Variants in RTN3 observed in about 807,000 individuals in gnomAD.
The protein encoded by RTN3 is reticulon-3.
Under a neutral mutation model 77.8 loss-of-function variants are expected in RTN3, and 49 were observed. That is an observed-to-expected ratio of 0.63 (90% CI 0.50 to 0.80). RTN3 has a LOEUF of 0.80. Among genes scored for constraint, RTN3 ranks in the 30% least tolerant of loss-of-function variants. The pLI is 0.00. For synonymous variants in RTN3, 464 were observed against 446.9 expected (o/e 1.04, Z -0.48); for missense variants, 1,236 against 1,211.9 (o/e 1.02, Z -0.29).
Position 63,728,615 on chromosome 11 carries a change from C to T in RTN3, c.2530+7583C>T, listed in dbSNP as rs560026098. ...GAAAGTAGCTAGAGAAGAGGCTGGG[C>T]GCGGTGGCTCACGCCTGTAATCCCC... On this transcript the variant is annotated intron_variant, in intron 3 of 8. Coordinates refer to ENST00000377819, the MANE Select transcript of RTN3 (RefSeq NM_001265589.2). 2.6e-5 allele frequency among the ~76,000 whole-genome samples: 4 copies of T among 152,142 alleles called. No individual in the cohort carries two copies. In the East Asian group the frequency reaches 5.8e-4, roughly 22 times the overall value.
Position 63,758,380 on chromosome 11 carries a change from T to C in RTN3, c.*179T>C. 6.4e-7 allele frequency: 1 copy of C among 1,561,542 alleles called. No homozygotes were observed. Among genetic ancestry groups the C allele is most frequent in the South Asian group, 1.2e-5 (1 of 84,914 alleles). ...TAACCCTCAGTATCAAGCACAAAAA[T>C]TGATGGACTGATAAAAGAACTATCT... On this transcript the variant is annotated 3_prime_UTR_variant, in exon 9 of 9. Transcript: ENST00000377819.
At chr11:63,717,252 A>G (rs2011466986) in intron 2 of RTN3, among the ~76,000 whole-genome samples, 1 of 152,002 alleles carries the variant, frequency 6.6e-6, no homozygotes, top group Admixed American at 6.6e-5. Context: ...AATTTGTTAG[A>G]GTGGGAAGTT....
Position 63,683,958 on chromosome 11 carries a change from T to C in RTN3, c.142+2180T>C, listed in dbSNP as rs1359427669. The stretch of plus-strand genomic sequence containing the variant: ...TCTTTTCTTTCTTTTTTTTTTTTTT[T>C]TTTTTTTTTTTTTTAGACAAGGTCT... On this transcript the variant is annotated intron_variant, in intron 1 of 8. Transcript: ENST00000377819. 3.1e-5 allele frequency among the ~76,000 whole-genome samples: 4 copies of C among 129,654 alleles called. No homozygotes were observed. In the South Asian group the frequency reaches 8.3e-4, roughly 27 times the overall value. The allele number at this position is 129,654 out of a possible 152,430, so 85.1% of individuals were successfully genotyped here. A position where few individuals can be genotyped will look rare whatever the true frequency, so the allele number is the denominator to read the frequency against.
chr11:63,727,695 A>G (rs1469431300), intron 3 of RTN3, among the ~76,000 whole-genome samples: 2 of 152,190 alleles, frequency 1.3e-5, no homozygotes, highest in Admixed American at 6.5e-5. Flanking sequence ...GGCCAGGCAC[A>G]GTGGCTCACG....
In RTN3 at chr11:63,684,307, C is replaced by T. The variant is rs190659285; in HGVS notation, c.142+2529C>T. On this transcript the variant is annotated intron_variant, in intron 1 of 8. Coordinates refer to ENST00000377819, the MANE Select transcript of RTN3 (RefSeq NM_001265589.2). ...GGACTACAGGTGCCCACCACCATGC[C>T]CGGCTAATTTTTTGTATTTTTAGTA... 7.5e-4 allele frequency among the ~76,000 whole-genome samples: 114 copies of T among 151,956 alleles called. No homozygotes were observed. The South Asian group carries it at 0.01, about 14-fold the overall frequency.
intron 3 of RTN3, among the ~76,000 whole-genome samples, chr11:63,736,973 CTT>C (rs542211160): frequency 1.3e-4 from 18 of 140,650 alleles, no homozygotes; most frequent in Non-Finnish European, 1.4e-4. Flanking sequence ...TCATAGAATC[CTT>C]TTTTTTTTTT....
Position 63,719,189 on chromosome 11 carries a change from T to A in RTN3, c.687T>A (p.Ser229=). 6.2e-7 allele frequency: 1 copy of A among 1,614,182 alleles called. No individual in the cohort carries two copies. Among genetic ancestry groups the A allele is most frequent in the Non-Finnish European group, 8.5e-7 (1 of 1,180,020 alleles). ...AAGGCATTTATACATATTCTTTGTC[T>A]CCATCCAAAGTTTCAGGAGATGATG... ...KVEGIYTYSL[S]PSKVSGDDVI... is the part of the protein sequence containing the mutation. The change falls in exon 3 of 9, where the codon TCT becomes TCA. Residue 229 remains serine, a synonymous_variant. Transcript: ENST00000377819.
intron 1 of RTN3, among the ~76,000 whole-genome samples, chr11:63,704,512 C>G (rs1380217737): frequency 1.3e-5 from 2 of 151,868 alleles, no homozygotes; most frequent in Non-Finnish European, 2.9e-5. Context: ...ACTTATTTTC[C>G]CCTTCCCACA....
At chr11:63,685,045 C>A (rs918238203) in intron 1 of RTN3, among the ~76,000 whole-genome samples, 1 of 152,168 alleles carries the variant, frequency 6.6e-6, no homozygotes, top group African/African-American at 2.4e-5. Context: ...CAGGCATGAG[C>A]CACTGAGCCC....
intron 3 of RTN3, among the ~76,000 whole-genome samples, chr11:63,734,649 T>G (rs1415834063): frequency 1.3e-5 from 2 of 151,676 alleles, no homozygotes; most frequent in Non-Finnish European, 2.9e-5. Context: ...GGAGAATTGC[T>G]TAAACCCAGG....
chr11:63,713,193 T>G (rs1285972616), intron 2 of RTN3, among the ~76,000 whole-genome samples: 1 of 152,198 alleles, frequency 6.6e-6, no homozygotes, highest in African/African-American at 2.4e-5. Context: ...AGATAATATA[T>G]CTCAGTGGAG....
At chr11:63,750,309 G>A in intron 4 of RTN3, 111 bp downstream of exon 4, 1 of 869,086 alleles carries the variant, frequency 1.2e-6, no homozygotes, top group Non-Finnish European at 1.8e-6. Flanking sequence ...GGGGCCTAAT[G>A]CAGCTGATTG....
chr11:63,702,295 TGG>T (rs1942274882), intron 1 of RTN3, among the ~76,000 whole-genome samples: 1 of 151,846 alleles, frequency 6.6e-6, no homozygotes, highest in Non-Finnish European at 1.5e-5. Flanking sequence ...TTTTTGGTTT[TGG>T]TTTTTTTTGT....
chr11:63,748,948 G>T (rs551715802), intron 3 of RTN3, among the ~76,000 whole-genome samples: 5 of 151,934 alleles, frequency 3.3e-5, no homozygotes, highest in Non-Finnish European at 7.4e-5. Flanking sequence ...GATTACAGGC[G>T]TGAGCCACCA....
At chr11:63,721,612 C>G (rs539137489) in intron 3 of RTN3, among the ~76,000 whole-genome samples, 2 of 150,958 alleles carry the variant, frequency 1.3e-5, no homozygotes, top group African/African-American at 4.9e-5. Context: ...TTTCTATGCT[C>G]CAGTTATATT....
chr11:63,756,004 T>C (rs996937238), intron 7 of RTN3, 108 bp from the exon 8 acceptor site: 4 of 737,628 alleles, frequency 5.4e-6, no homozygotes, highest in Non-Finnish European at 9.5e-6. Context: ...TTTTCTACAC[T>C]GGTCAGTCGT....
intron 2 of RTN3, among the ~76,000 whole-genome samples, chr11:63,712,562 C>T (rs914510518): frequency 1.5e-4 from 23 of 150,278 alleles, no homozygotes; most frequent in African/African-American, 4.7e-4. Flanking sequence ...CTTGGCTCAC[C>T]GCAATTTCCA....
intron 1 of RTN3, among the ~76,000 whole-genome samples, chr11:63,682,636 T>G (rs1590761520): frequency 1.4e-5 from 2 of 143,386 alleles, no homozygotes; most frequent in African/African-American, 5.2e-5. Context: ...CAAAGGGGGG[T>G]GTTTATTGCA....
intron 2 of RTN3, chr11:63,714,138 T>C (rs1298849122): frequency 4.4e-6 from 2 of 459,144 alleles, no homozygotes; most frequent in Non-Finnish European, 8.8e-6. Flanking sequence ...TTTCCCATTG[T>C]CTTGGTACAG....
Sources: gnomAD v4.1 joint callset for allele counts (sites outside exome capture counted in the v4.1 genomes callset) on GRCh38, gnomAD v4.1.1 for gene constraint, MANE v1.5 for transcripts, NCBI Gene and HGNC (gene_info 2026-07-23, HGNC 2026-07-21) for gene names.